Variants in CES1 observed in about 807,000 individuals in gnomAD.
CES1 encodes liver carboxylesterase 1.
In CES1, 50 loss-of-function variants were observed where a neutral mutation model predicts 53.0. That is an observed-to-expected ratio of 0.94 (90% CI 0.75 to 1.19). The LOEUF (loss-of-function observed/expected upper bound fraction) is 1.19. Ranked by LOEUF, CES1 falls within the 50% of genes most tolerant of loss-of-function variation. The pLI is 0.00. For synonymous variants in CES1, 202 were observed against 210.1 expected, an observed-to-expected ratio of 0.96 and a Z score of 0.33; for missense variants, 534 against 538.0, an observed-to-expected ratio of 0.99 and a Z score of 0.07.
intron 1 of CES1, among the ~76,000 whole-genome samples, chr16:55,830,806 G>GAAGA (rs1405154548): frequency 1.3e-5 from 2 of 150,322 alleles, no homozygotes; most frequent in East Asian, 1.9e-4. Context: ...AGGAAGGAAG[G>GAAGA]AAGGAAGGAA....
intron 1 of CES1, among the ~76,000 whole-genome samples, chr16:55,831,202 A>G (rs2032655014): frequency 6.6e-6 from 1 of 152,232 alleles, no homozygotes; most frequent in African/African-American, 2.4e-5. Flanking sequence ...GCCAAGACCA[A>G]AGATCCATCA....
chr16:55,823,532 G>T lies in CES1; in HGVS notation c.539+18C>A. On this transcript the variant is annotated intron_variant, in intron 4 of 13. Transcript: ENST00000360526. ...GTTCTGGGGGCCAAAGTGCAGTGAGGAGAGTCCGATTTCTTACCTGAAGAA... is the reference window on the plus strand; with the variant it reads ...GTTCTGGGGGCCAAAGTGCAGTGAGTAGAGTCCGATTTCTTACCTGAAGAA... The T allele has an allele frequency of 1.2e-6, 2 of 1,610,256 alleles. No individual in the cohort carries two copies. The highest frequency in any genetic ancestry group is 8.5e-7 in the Non-Finnish European group (1 of 1,178,876).
chr16:55,812,776 CT>C, intron 9 of CES1, 126 bp downstream of exon 9: 2 of 1,347,132 alleles, frequency 1.5e-6, no homozygotes, highest in Non-Finnish European at 2.1e-6. Context: ...GAAATGTTAA[CT>C]CCTGCTGAAG....
chr16:55,820,328 G>C (rs2032118880), intron 6 of CES1, 44 bp downstream of exon 6: 1 of 1,204,282 alleles, frequency 8.3e-7, no homozygotes, highest in South Asian at 1.3e-5. Context: ...TAGAGCCAAG[G>C]AGGTGGGGGT....
intron 1 of CES1, among the ~76,000 whole-genome samples, chr16:55,830,807 A>G (rs532407761): frequency 7.8e-4 from 113 of 145,322 alleles, no homozygotes; most frequent in African/African-American, 2.8e-3. Flanking sequence ...GGAAGGAAGG[A>G]AGGAAGGAAG....
intron 8 of CES1, among the ~76,000 whole-genome samples, chr16:55,815,090 T>C (rs1436342809): frequency 3.9e-5 from 6 of 152,158 alleles, no homozygotes; most frequent in Non-Finnish European, 7.3e-5. Context: ...TTCTAAACAG[T>C]GGGAACCGCA....
At chr16:55,815,200 G>A (rs2031885137) in intron 8 of CES1, among the ~76,000 whole-genome samples, 2 of 152,184 alleles carry the variant, frequency 1.3e-5, no homozygotes, top group South Asian at 4.1e-4. Context: ...CTAGAGGGAG[G>A]GACAGGTGCA....
intron 8 of CES1, among the ~76,000 whole-genome samples, chr16:55,815,544 C>T (rs1391312544): frequency 2.0e-5 from 3 of 152,194 alleles, no homozygotes; most frequent in South Asian, 2.1e-4. Flanking sequence ...TGTGTGGGCA[C>T]AACCTTGTTG....
chr16:55,819,361 C>CT (rs149679148), intron 7 of CES1, among the ~76,000 whole-genome samples, 174 bp downstream of exon 7: 1 of 152,100 alleles, frequency 6.6e-6, no homozygotes, highest in African/African-American at 2.4e-5. Flanking sequence ...TTTTGACTTT[C>CT]TTTTTTTACA....
intron 8 of CES1, among the ~76,000 whole-genome samples, chr16:55,816,118 C>A (rs1309472435): frequency 1.3e-5 from 2 of 152,284 alleles, no homozygotes; most frequent in African/African-American, 4.8e-5. Flanking sequence ...CCTGATCCTG[C>A]TACTTAAATT....
Position 55,814,766 on chromosome 16 carries a change from T to G in CES1, c.946-1723A>C, listed in dbSNP as rs533435935. Among the ~76,000 whole-genome samples, 43 of 152,364 alleles carry G rather than the reference T, an allele frequency of 2.8e-4. 1 individual carries two copies. The South Asian group carries it at 5.6e-3, about 20-fold the overall frequency. On this transcript the variant is annotated intron_variant, in intron 8 of 13. Transcript: ENST00000360526. ...CCTATGGCTTCTGGGACCTTTGGTC[T>G]GCTCTACAAAAGCCAATGAATGACG... is the stretch of plus-strand genomic sequence containing the variant.
chr16:55,813,970 T>A (rs2031821957), intron 8 of CES1, among the ~76,000 whole-genome samples: 1 of 152,242 alleles, frequency 6.6e-6, no homozygotes, highest in African/African-American at 2.4e-5. Flanking sequence ...CCTGCCTGTG[T>A]GTGACCATGA....
At position 55,819,548 on chromosome 16, in the gene CES1, G is replaced by A. The variant is rs767343447; in HGVS notation, c.893C>T (p.Thr298Met). Residue 298 changes from threonine (T) to methionine (M), a missense_variant, in exon 7 of 14, where the codon ACG becomes ATG. Thr to Met is a moderately conservative substitution (Grantham distance 81). Coordinates refer to ENST00000360526, the MANE Select transcript of CES1 (RefSeq NM_001025195.2). Reference sequence around the variant, plus strand: ...CAGGCAACCTACCATTTTCAATGTCGTCTCCAAGAGCTCCTCTTCCGTCTT... The same window carrying A: ...CAGGCAACCTACCATTTTCAATGTCATCTCCAAGAGCTCCTCTTCCGTCTT... The part of the protein sequence containing the change: ...RQKTEEELLE[T>M]TLKMKFLSLD... 34 of 1,613,302 alleles carry A rather than the reference G, an allele frequency of 2.1e-5. No homozygotes were observed. Among genetic ancestry groups the A allele is most frequent in the African/African-American group, 1.1e-4 (8 of 74,872 alleles).
intron 3 of CES1, among the ~76,000 whole-genome samples, chr16:55,825,736 C>T (rs749209053): frequency 7.9e-5 from 12 of 152,228 alleles, no homozygotes; most frequent in Non-Finnish European, 1.3e-4. Flanking sequence ...GGTGACCTCC[C>T]CTTCCCTGTC....
chr16:55,827,211 G>GC (rs1156653883), intron 2 of CES1, among the ~76,000 whole-genome samples: 3 of 151,618 alleles, frequency 2.0e-5, no homozygotes, highest in African/African-American at 7.3e-5. Flanking sequence ...ATCAGAGCCA[G>GC]CAAAGATGAC....
intron 3 of CES1, among the ~76,000 whole-genome samples, chr16:55,824,248 C>A (rs1227349507): frequency 8.5e-5 from 13 of 152,268 alleles, no homozygotes; most frequent in African/African-American, 3.1e-4. Context: ...CCACCCACTT[C>A]AGGATGCCTT....
chr16:55,823,237 C>A (rs1186042282), intron 4 of CES1, among the ~76,000 whole-genome samples: 1 of 151,884 alleles, frequency 6.6e-6, no homozygotes, highest in Non-Finnish European at 1.5e-5. Flanking sequence ...AAGCAATGTG[C>A]TGGAGAAACA....
At chr16:55,831,322 G>A (rs2032662429) in intron 1 of CES1, among the ~76,000 whole-genome samples, 2 of 151,906 alleles carry the variant, frequency 1.3e-5, no homozygotes, top group Admixed American at 6.6e-5. Flanking sequence ...AGTCAAGTCA[G>A]AGAAGAAACC....
intron 11 of CES1, 27 bp downstream of exon 11, chr16:55,810,490 C>A (rs769505308): frequency 6.2e-7 from 1 of 1,613,850 alleles, no homozygotes; most frequent in South Asian, 1.1e-5. Flanking sequence ...GGGTTTGTGT[C>A]CCTCCCGTTC....
Sources: gnomAD v4.1 joint callset for allele counts (sites outside exome capture counted in the v4.1 genomes callset) on GRCh38, gnomAD v4.1.1 for gene constraint, MANE v1.5 for transcripts, NCBI Gene and HGNC (gene_info 2026-07-23, HGNC 2026-07-21) for gene names.